Variants in MYLK observed in about 807,000 individuals in gnomAD.
MYLK encodes the protein myosin light chain kinase, also known as myosin light chain kinase, smooth muscle.
A neutral mutation model predicts 203.4 loss-of-function variants in MYLK; 106 were observed. That is an observed-to-expected ratio of 0.52 (90% CI 0.45 to 0.61). MYLK has a LOEUF of 0.61. Among genes scored for constraint, MYLK ranks in the 20% least tolerant of loss-of-function variants. The pLI, the probability that MYLK is intolerant of heterozygous loss-of-function variation, is 0.00. For missense variants in MYLK, 2,072 were observed against 2,442.3 expected (o/e 0.85, Z 3.20); for synonymous variants, 867 against 959.5 (o/e 0.90, Z 1.78).
chr3:123,827,198 T>C (rs932587003), intron 3 of MYLK, among the ~76,000 whole-genome samples: 9 of 152,178 alleles, frequency 5.9e-5, no homozygotes, highest in Non-Finnish European at 1.2e-4. Context: ...AAGAGATGGA[T>C]ATCATTTAAA....
rs1372141244 is a variant in MYLK at position 123,640,339 on chromosome 3, G to A, written c.4785C>T (p.Asn1595=). The A allele has an allele frequency of 6.2e-7, 1 of 1,613,968 alleles. No individual in the cohort carries two copies. The highest frequency in any genetic ancestry group is 1.1e-5 in the South Asian group (1 of 91,060). ...TGAGCTTGATCCTGGTGCCCGTCTT[G>A]TTGACACACATGATGTTCTCCGGCT... The part of the protein sequence containing the change: ...DLKPENIMCV[N]KTGTRIKLID... The change falls in exon 28 of 34, where the codon AAC becomes AAT. Residue 1595 remains asparagine, a synonymous_variant. Coordinates refer to ENST00000360304, the MANE Select transcript of MYLK (RefSeq NM_053025.4). This position sits in a 1 kb window ranked among gnomAD's most constrained non-coding sequence, Gnocchi z 4.3.
In MYLK at chr3:123,705,129, C is replaced by G. The variant is rs79929803; in HGVS notation, c.2390+2625G>C. ...GCAGGATCTGCCCACCCCTCTACCC[C>G]CTGCACACCGGACCCCCGGCTTCCT... On this transcript the variant is annotated intron_variant, in intron 16 of 33. Coordinates refer to ENST00000360304, the MANE Select transcript of MYLK (RefSeq NM_053025.4). Among the ~76,000 whole-genome samples the G allele has an allele frequency of 1.7e-3, 264 of 151,780 alleles. 1 individual carries two copies. Among genetic ancestry groups the G allele is most frequent in the African/African-American group, 6.0e-3 (247 of 41,146 alleles).
chr3:123,739,189 G>T, intron 6 of MYLK, 127 bp from the exon 7 acceptor site: 1 of 1,104,772 alleles, frequency 9.1e-7, no homozygotes, highest in Non-Finnish European at 1.3e-6. Flanking sequence ...CCAATTTTAT[G>T]CCTCAGAAAC....
intron 19 of MYLK, among the ~76,000 whole-genome samples, chr3:123,683,765 A>T (rs1198296953): frequency 6.6e-6 from 1 of 152,116 alleles, no homozygotes; most frequent in Non-Finnish European, 1.5e-5. Flanking sequence ...CCCTGCATGC[A>T]CCATTGTGGG....
chr3:123,742,222 C>A (rs936533519), intron 5 of MYLK, among the ~76,000 whole-genome samples: 1 of 152,118 alleles, frequency 6.6e-6, no homozygotes, highest in African/African-American at 2.4e-5. Context: ...AACCCATATC[C>A]CCACTAGAAC....
intron 22 of MYLK, among the ~76,000 whole-genome samples, chr3:123,665,608 A>G (rs997029442): frequency 2.6e-5 from 4 of 152,126 alleles, no homozygotes; most frequent in African/African-American, 9.7e-5. Context: ...ACAGGCACAC[A>G]CTACCACCGT....
At chr3:123,653,987 TGTGTG>T (rs1255362191) in intron 24 of MYLK, among the ~76,000 whole-genome samples, 34 of 6,446 alleles carry the variant, frequency 5.3e-3, no homozygotes, top group African/African-American at 8.9e-3. Flanking sequence ...AGAGGGATGT[TGTGTG>T]TGTGTGTGTG....
At position 123,639,142 on chromosome 3, in the gene MYLK, CTATT is replaced by C. The variant is rs938935982; in HGVS notation, c.4838-952_4838-949del. The C allele has an allele frequency of 3.6e-6, 3 of 835,698 alleles. No homozygotes were observed. The African/African-American group carries it at 5.5e-5, about 15-fold the overall frequency. 51.8% of individuals were successfully genotyped at this position (835,698 alleles called of 1,614,324 possible). On this transcript the variant is annotated intron_variant, in intron 28 of 33. Transcript: ENST00000360304. The stretch of plus-strand genomic sequence containing the variant: ...ACTGCCGACTCCTGAGGACAGTGGC[CTATT>C]TGTTTAATTTATTGGTGGTCACTGT...
intron 28 of MYLK, chr3:123,639,063 C>A: frequency 1.0e-6 from 1 of 985,396 alleles, no homozygotes; most frequent in Non-Finnish European, 1.2e-6. Flanking sequence ...CACGGTTGTT[C>A]CCACAGTATC....
At chr3:123,822,729 C>T (rs952367674) in intron 3 of MYLK, among the ~76,000 whole-genome samples, 1 of 152,160 alleles carries the variant, frequency 6.6e-6, no homozygotes, top group Middle Eastern at 3.2e-3. Flanking sequence ...GCCACCCAAC[C>T]CTTCTACTCA....
chr3:123,651,669 C>G (rs978318155), intron 24 of MYLK, among the ~76,000 whole-genome samples: 1 of 152,212 alleles, frequency 6.6e-6, no homozygotes, highest in African/African-American at 2.4e-5. Flanking sequence ...TGCCAATGGC[C>G]CGGCAGCAGG....
chr3:123,629,359 A>G lies in MYLK; in HGVS notation c.5114+115T>C, dbSNP rs1477126758. Reference sequence around the variant, plus strand: ...CCTCCCTTCCTCAGGGAATGCTAGGAACGACCCAAGGCGGGGTGGCAAGGA... The same window carrying G: ...CCTCCCTTCCTCAGGGAATGCTAGGGACGACCCAAGGCGGGGTGGCAAGGA... On this transcript the variant is annotated intron_variant, in intron 30 of 33. Coordinates refer to ENST00000360304, the MANE Select transcript of MYLK (RefSeq NM_053025.4). The surrounding 1 kb of genome is among the most constrained non-coding windows in gnomAD (Gnocchi z 4.4). 2 of 1,320,360 alleles carry G rather than the reference A, an allele frequency of 1.5e-6. No individual in the cohort carries two copies. The highest frequency in any genetic ancestry group is 2.9e-5 in the African/African-American group (2 of 69,106). The allele number at this position is 1,320,360 out of a possible 1,614,324, so 81.8% of individuals were successfully genotyped here.
intron 7 of MYLK, among the ~76,000 whole-genome samples, chr3:123,737,969 T>C (rs1202149154): frequency 6.6e-6 from 1 of 152,164 alleles, no homozygotes; most frequent in Non-Finnish European, 1.5e-5. Context: ...GCCATGACTC[T>C]ACCTGTTCCC....
intron 3 of MYLK, among the ~76,000 whole-genome samples, chr3:123,802,819 G>A (rs748781889): frequency 4.6e-5 from 7 of 152,236 alleles, no homozygotes; most frequent in East Asian, 1.9e-4. Context: ...CTAAATTAGC[G>A]GAATGCACAC....
Position 123,807,181 on chromosome 3 carries a change from C to T in MYLK, c.-3-13337G>A, listed in dbSNP as rs558859060. Among the ~76,000 whole-genome samples, 6 of 152,214 alleles carry T rather than the reference C, an allele frequency of 3.9e-5. No homozygotes were observed. In the East Asian group the frequency reaches 1.2e-3, roughly 30 times the overall value. On this transcript the variant is annotated intron_variant, in intron 3 of 33. Coordinates refer to ENST00000360304, the MANE Select transcript of MYLK (RefSeq NM_053025.4). ...TGGTGGCTCACACCTGTAATCCCAGCACTTTGAGAAGCCAAGGCGGGGGCA... is the reference window on the plus strand; with the variant it reads ...TGGTGGCTCACACCTGTAATCCCAGTACTTTGAGAAGCCAAGGCGGGGGCA...
In MYLK at chr3:123,700,738, T is replaced by A. The variant is rs761345595; in HGVS notation, c.2730A>T (p.Leu910=). 3.1e-6 allele frequency: 5 copies of A among 1,614,172 alleles called. No individual in the cohort carries two copies. The highest frequency in any genetic ancestry group is 8.5e-7 in the Non-Finnish European group (1 of 1,180,024). ...LLGKKVSTKT[L]SEDDLKEIPA... ...GGATCTCCTTCAGGTCGTCTTCCGA[T>A]AGGGTCTTTGTACTCACCTTCTTCC... The change falls in exon 18 of 34, where the codon CTA becomes CTT. Residue 910 remains leucine, a synonymous_variant. Coordinates refer to ENST00000360304, the MANE Select transcript of MYLK (RefSeq NM_053025.4).
intron 1 of MYLK, among the ~76,000 whole-genome samples, chr3:123,879,436 T>C (rs1195272470): frequency 6.6e-6 from 1 of 152,062 alleles, no homozygotes; most frequent in African/African-American, 2.4e-5. Flanking sequence ...TGGCAAATGC[T>C]TACCCTCCCT....
chr3:123,813,032 C>T (rs922200623), intron 3 of MYLK, among the ~76,000 whole-genome samples: 2 of 152,192 alleles, frequency 1.3e-5, no homozygotes, highest in African/African-American at 4.8e-5. Flanking sequence ...TCCCAAAAAA[C>T]GTGCCTTGAC....
rs1216797480 is a variant in MYLK at position 123,778,430 on chromosome 3, G to A, written c.165+15247C>T. Among the ~76,000 whole-genome samples, 5 of 151,166 alleles carry A rather than the reference G, an allele frequency of 3.3e-5. No homozygotes were observed. The South Asian group carries it at 8.4e-4, about 25-fold the overall frequency. ...CAGGAGGCTGAGGCAGGAGAATGGCGTGAACCCGGGAGGTGGAGCTTGCAG... is the reference window on the plus strand; with the variant it reads ...CAGGAGGCTGAGGCAGGAGAATGGCATGAACCCGGGAGGTGGAGCTTGCAG... On this transcript the variant is annotated intron_variant, in intron 4 of 33. Transcript: ENST00000360304.
Sources: allele counts gnomAD v4.1 joint callset (sites outside exome capture counted in the v4.1 genomes callset), GRCh38; gene constraint gnomAD v4.1.1; non-coding constraint Gnocchi (gnomAD v3.1); transcripts MANE v1.5; gene names NCBI Gene and HGNC (gene_info 2026-07-23, HGNC 2026-07-21).